SLC26A7: variants seen among roughly 807,000 people sequenced by gnomAD.
SLC26A7 encodes the protein solute carrier family 26 member 7.
SLC26A7 carries 59 observed loss-of-function variants against 82.5 expected under a neutral mutation model. The observed-to-expected ratio is 0.72, with a 90% CI of 0.58 to 0.89. SLC26A7 has a LOEUF of 0.89. Ranked by LOEUF, SLC26A7 falls within the 40% of genes least tolerant of loss-of-function variation. The pLI is 0.00. For missense variants in SLC26A7, 820 were observed against 793.0 expected (o/e 1.03, Z -0.41); for synonymous variants, 271 against 274.3 (o/e 0.99, Z 0.12).
In SLC26A7 at chr8:91,343,400, C is replaced by G. The variant is rs535640012; in HGVS notation, c.1074C>G (p.Phe358Leu). Residue 358 changes from phenylalanine (F) to leucine (L), a missense_variant, in exon 9 of 19, where the codon TTC becomes TTG. By Grantham distance (22) the Phe-to-Leu change is conservative. Coordinates refer to ENST00000276609, the MANE Select transcript of SLC26A7 (RefSeq NM_052832.4). ...GLSNIVSSFFFCIPSAAAMGR... is the reference protein window; with the variant it reads ...GLSNIVSSFFLCIPSAAAMGR... ...GCAATATAGTTTCTTCATTTTTCTT[C>G]TGCATACCAAGTGCTGCTGCCATGG... The G allele has an allele frequency of 3.6e-5, 58 of 1,612,948 alleles. No individual in the cohort carries two copies. The East Asian group carries it at 1.2e-3, about 35-fold the overall frequency.
intron 9 of SLC26A7, chr8:91,344,117 G>A (rs1400725636): frequency 1.0e-5 from 10 of 985,206 alleles, no homozygotes; most frequent in Non-Finnish European, 1.2e-5. Context: ...TGTGTGCCAG[G>A]CATTGGCTGT....
intron 5 of SLC26A7, among the ~76,000 whole-genome samples, chr8:91,323,557 A>T (rs1270556495): frequency 6.6e-6 from 1 of 152,176 alleles, no homozygotes; most frequent in African/African-American, 2.4e-5. Context: ...TTGTATACTC[A>T]TGATGTCTTT....
intron 2 of SLC26A7, among the ~76,000 whole-genome samples, chr8:91,282,016 CT>C (rs1182320095): frequency 6.6e-5 from 10 of 152,106 alleles, no homozygotes; most frequent in African/African-American, 2.4e-4. Flanking sequence ...CTTTTTTCAG[CT>C]TCTCAGCTAA....
intron 15 of SLC26A7, 61 bp from the exon 16 acceptor site, chr8:91,389,276 CA>C: frequency 1.6e-6 from 2 of 1,231,256 alleles, no homozygotes; most frequent in South Asian, 2.5e-5. Flanking sequence ...CACCAGTCAA[CA>C]AAGCCAGCAG....
intron 4 of SLC26A7, among the ~76,000 whole-genome samples, chr8:91,310,541 G>T (rs1340987800): frequency 1.3e-5 from 2 of 152,054 alleles, no homozygotes; most frequent in Non-Finnish European, 2.9e-5. Flanking sequence ...TTAGAAGAAT[G>T]TTAAAACGAA....
At chr8:91,362,481 C>G (rs775350604) in intron 12 of SLC26A7, 22 bp downstream of exon 12, 2 of 1,592,822 alleles carry the variant, frequency 1.3e-6, no homozygotes, top group Middle Eastern at 1.7e-4. Context: ...TGTAAATGCT[C>G]TGTTTATTTT....
At chr8:91,230,413 A>G (rs1014435177) in intron 2 of SLC26A7, among the ~76,000 whole-genome samples, 1 of 151,998 alleles carries the variant, frequency 6.6e-6, no homozygotes, top group Non-Finnish European at 1.5e-5. Flanking sequence ...TTTCCTCCCA[A>G]CTGTCTTCCT....
Position 91,352,892 on chromosome 8 carries a change from T to C in SLC26A7, c.1219-9T>C. On this transcript the variant is annotated splice_polypyrimidine_tract_variant and intron_variant, in intron 10 of 18. Coordinates refer to ENST00000276609, the MANE Select transcript of SLC26A7 (RefSeq NM_052832.4). ...GTTGCTTCTTCTTCAACTTACGTTT[T>C]ATTTCTAGTGTGTCCTTGCAAGCAT... The C allele has an allele frequency of 6.3e-7, 1 of 1,587,116 alleles. No individual in the cohort carries two copies. Among genetic ancestry groups the C allele is most frequent in the South Asian group, 1.2e-5 (1 of 86,028 alleles).
chr8:91,312,560 T>C lies in SLC26A7; in HGVS notation c.478-5656T>C, dbSNP rs544224534. ...TTTGTAGTGGCTATACCATTTTACA[T>C]TCCCAGCAACAGAGCACAAGTGTTG... On this transcript the variant is annotated intron_variant, in intron 4 of 18. Coordinates refer to ENST00000276609, the MANE Select transcript of SLC26A7 (RefSeq NM_052832.4). Among the ~76,000 whole-genome samples, 85 of 152,206 alleles carry C rather than the reference T, an allele frequency of 5.6e-4. 1 individual carries two copies. In the South Asian group the frequency reaches 0.017, roughly 30 times the overall value.
chr8:91,281,781 C>A (rs1811580173), intron 2 of SLC26A7, among the ~76,000 whole-genome samples: 1 of 152,100 alleles, frequency 6.6e-6, no homozygotes, highest in Admixed American at 6.5e-5. Context: ...CATTATCTGC[C>A]ATGAGGGATA....
At chr8:91,279,123 GTGTA>G (rs1554603781) in intron 2 of SLC26A7, among the ~76,000 whole-genome samples, 28 of 78,762 alleles carry the variant, frequency 3.6e-4, no homozygotes, top group African/African-American at 1.4e-3. Context: ...GTGTGTGTGT[GTGTA>G]TATATATATA....
At chr8:91,232,873 G>A (rs899169854) in intron 2 of SLC26A7, among the ~76,000 whole-genome samples, 1 of 152,214 alleles carries the variant, frequency 6.6e-6, no homozygotes, top group African/African-American at 2.4e-5. Flanking sequence ...GATTGAATGA[G>A]TTGATCTCTT....
At chr8:91,213,922 T>C (rs1016033283) in intron 1 of SLC26A7, among the ~76,000 whole-genome samples, 3 of 152,184 alleles carry the variant, frequency 2.0e-5, no homozygotes, top group African/African-American at 4.8e-5. Context: ...GCCATGAACC[T>C]GTCAAAGGAT....
rs569434509 is a variant in SLC26A7 at position 91,230,401 on chromosome 8, A to G, written c.-34+11396A>G. Among the ~76,000 whole-genome samples the G allele has an allele frequency of 1.1e-4, 16 of 152,264 alleles. No homozygotes were observed. The East Asian group carries it at 2.9e-3, about 28-fold the overall frequency. The stretch of plus-strand genomic sequence containing the variant: ...CTCTTGCCACTCTTTCCTTAGGCTC[A>G]CTTTCCTCCCAACTGTCTTCCTTTC... On this transcript the variant is annotated intron_variant, in intron 2 of 5. Transcript: ENST00000522862.
At chr8:91,315,766 A>G (rs1270884709) in intron 4 of SLC26A7, among the ~76,000 whole-genome samples, 3 of 152,054 alleles carry the variant, frequency 2.0e-5, no homozygotes, top group East Asian at 1.9e-4. Context: ...CCCTTCCTAC[A>G]TTTTCGAAAC....
At chr8:91,328,876 G>A (rs991170721) in intron 5 of SLC26A7, among the ~76,000 whole-genome samples, 1 of 152,032 alleles carries the variant, frequency 6.6e-6, no homozygotes, top group Non-Finnish European at 1.5e-5. Flanking sequence ...AAGATGGATT[G>A]TTTATGCATA....
chr8:91,298,272 C>T (rs1304937134), intron 4 of SLC26A7, among the ~76,000 whole-genome samples: 5 of 152,176 alleles, frequency 3.3e-5, no homozygotes, highest in Non-Finnish European at 7.4e-5. Flanking sequence ...TCCCTACACA[C>T]AACTCTTTCT....
At chr8:91,216,167 C>A (rs1810043121) in intron 1 of SLC26A7, among the ~76,000 whole-genome samples, 1 of 152,092 alleles carries the variant, frequency 6.6e-6, no homozygotes, top group Non-Finnish European at 1.5e-5. Context: ...TAACAACGGG[C>A]ATTTAATAGA....
intron 4 of SLC26A7, among the ~76,000 whole-genome samples, chr8:91,305,382 C>T (rs976266524): frequency 2.6e-5 from 4 of 152,146 alleles, no homozygotes; most frequent in Non-Finnish European, 5.9e-5. Flanking sequence ...CTCAAGTGTG[C>T]AGACCTAGTC....
Sources: allele counts gnomAD v4.1 joint callset (sites outside exome capture counted in the v4.1 genomes callset), GRCh38; gene constraint gnomAD v4.1.1; transcripts MANE v1.5; gene names NCBI Gene and HGNC (gene_info 2026-07-23, HGNC 2026-07-21).